The following ATP13A4 variants were observed in gnomAD, a reference collection of about 807,000 sequenced individuals.
The protein encoded by ATP13A4 is probable cation-transporting ATPase 13A4.
Under a neutral mutation model 142.5 loss-of-function variants are expected in ATP13A4, and 114 were observed. The ratio of observed to expected loss-of-function variants is 0.80; its 90% CI spans 0.69 to 0.93. The LOEUF is 0.93. ATP13A4 is among the 40% of genes least tolerant of loss of function. The pLI is 0.00. For missense variants in ATP13A4, 1,392 were observed against 1,454.0 expected (o/e 0.96, Z 0.69); for synonymous variants, 488 against 514.8 (o/e 0.95, Z 0.70).
At chr3:193,505,697 G>A (rs973451247) in intron 2 of ATP13A4, among the ~76,000 whole-genome samples, 6 of 152,106 alleles carry the variant, frequency 3.9e-5, no homozygotes, top group Non-Finnish European at 7.4e-5. Context: ...CTTCTCTCTT[G>A]TATACTACCC....
intron 28 of ATP13A4, among the ~76,000 whole-genome samples, chr3:193,407,987 GA>G: frequency 6.6e-6 from 1 of 152,376 alleles, no homozygotes; most frequent in South Asian, 2.1e-4. Flanking sequence ...AAATGGAGCT[GA>G]AATCAAGCTT....
chr3:193,499,660 C>T (rs905258418), intron 3 of ATP13A4, among the ~76,000 whole-genome samples: 1 of 152,150 alleles, frequency 6.6e-6, no homozygotes, highest in Admixed American at 6.5e-5. Flanking sequence ...CCATTGACTT[C>T]AGGATTCAAG....
In ATP13A4 at chr3:193,501,950, G is replaced by A. The variant is rs1720567727; in HGVS notation, c.381+543C>T. 1.3e-5 allele frequency among the ~76,000 whole-genome samples: 2 copies of A among 152,012 alleles called. 1 individual carries two copies. The highest frequency in any genetic ancestry group is 4.8e-5 in the African/African-American group (2 of 41,390). On this transcript the variant is annotated intron_variant, in intron 3 of 29. Coordinates refer to ENST00000342695, the MANE Select transcript of ATP13A4 (RefSeq NM_032279.4). ...CCCTGTTACATAGATTGTAATATGGGGAACGATACTATTAGAGCTAATATG... is the reference window on the plus strand; with the variant it reads ...CCCTGTTACATAGATTGTAATATGGAGAACGATACTATTAGAGCTAATATG...
chr3:193,533,662 A>C (rs549230189), intron 1 of ATP13A4, among the ~76,000 whole-genome samples: 8 of 152,294 alleles, frequency 5.3e-5, no homozygotes, highest in Non-Finnish European at 1.0e-4. Context: ...ACTTTAAGAC[A>C]ATAACCACTC....
chr3:193,411,067 A>G lies in ATP13A4; in HGVS notation c.3212T>C (p.Ile1071Thr). The G allele has an allele frequency of 6.2e-7, 1 of 1,601,062 alleles. No individual in the cohort carries two copies. Among genetic ancestry groups the G allele is most frequent in the Non-Finnish European group, 8.6e-7 (1 of 1,168,310 alleles). ...CTGTATTATCAGCACAAGGACAAAT[A>G]TATCTGAGGAAATAAGAACACAAGG... The part of the protein sequence containing the change: ...PFRQPTYTNY[I>T]FVLVLIIQLG... Residue 1071 changes from isoleucine to threonine, a missense_variant, in exon 28 of 30, where the codon ATA becomes ACA. Coordinates refer to ENST00000342695, the MANE Select transcript of ATP13A4 (RefSeq NM_032279.4).
rs541566332 is a variant in ATP13A4 at position 193,514,423 on chromosome 3, T to C, written c.234+275A>G. On this transcript the variant is annotated intron_variant, in intron 2 of 29. Transcript: ENST00000342695. The stretch of plus-strand genomic sequence containing the variant: ...AAAAGGACATGATTTCGTTCTTTAT[T>C]ATGGCTGCAGAGTATTCCGTGGTGT... Among the ~76,000 whole-genome samples the C allele has an allele frequency of 2.6e-5, 4 of 152,350 alleles. No homozygotes were observed. In the South Asian group the frequency reaches 8.3e-4, roughly 32 times the overall value.
chr3:193,457,673 G>T (rs1286143621), intron 14 of ATP13A4, among the ~76,000 whole-genome samples: 1 of 152,186 alleles, frequency 6.6e-6, no homozygotes, highest in African/African-American at 2.4e-5. Flanking sequence ...AGACACTTTT[G>T]AATTATTCAT....
intron 1 of ATP13A4, among the ~76,000 whole-genome samples, chr3:193,537,854 G>C (rs184386046): frequency 8.7e-4 from 133 of 152,224 alleles, no homozygotes; most frequent in Middle Eastern, 6.8e-3. Context: ...AGTGTTAAAG[G>C]TTACGTCCTA....
chr3:193,447,032 A>G (rs1489941), intron 18 of ATP13A4, among the ~76,000 whole-genome samples: 147,866 of 152,298 alleles, frequency 0.97, 71,800 homozygotes, highest in East Asian at 1. Context: ...CCATCCAAGG[A>G]CAATACTTCA....
intron 1 of ATP13A4, among the ~76,000 whole-genome samples, chr3:193,529,376 T>C (rs1031727770): frequency 6.6e-6 from 1 of 152,048 alleles, no homozygotes; most frequent in African/African-American, 2.4e-5. Context: ...ATATTTTATG[T>C]ACTTTTATAT....
chr3:193,510,811 G>A lies in ATP13A4; in HGVS notation c.234+3887C>T, dbSNP rs115384260. On this transcript the variant is annotated intron_variant, in intron 2 of 29. Transcript: ENST00000342695. ...ACCAGCGTGAGATTGATGATAAATA[G>A]CAAGTACTGATTTTTTAATAACATG... Among the ~76,000 whole-genome samples the A allele has an allele frequency of 2.9e-3, 434 of 152,016 alleles. 2 individuals are homozygous for A. Among genetic ancestry groups the A allele is most frequent in the South Asian group, 8.3e-3 (40 of 4,806 alleles).
chr3:193,407,499 A>AAT, intron 28 of ATP13A4, 106 bp from the exon 29 acceptor site: 1 of 806,802 alleles, frequency 1.2e-6, no homozygotes, highest in South Asian at 1.4e-5. Flanking sequence ...TCTCATATGT[A>AAT]ATATATATGT....
rs141933656 is a variant in ATP13A4, at chr3:193,490,842, G to A, written c.603+487C>T. ...AGAGGGCTACGGTTTGATAATAATC[G>A]CTGTAAAGTGAAACAATGATGAGCT... On this transcript the variant is annotated intron_variant, in intron 6 of 29. Coordinates refer to ENST00000342695, the MANE Select transcript of ATP13A4 (RefSeq NM_032279.4). Among the ~76,000 whole-genome samples, 8 of 152,244 alleles carry A rather than the reference G, an allele frequency of 5.3e-5. No homozygotes were observed. In the East Asian group the frequency reaches 5.8e-4, roughly 11 times the overall value.
intron 2 of ATP13A4, among the ~76,000 whole-genome samples, chr3:193,576,362 C>T (rs1202053167): frequency 7.1e-6 from 1 of 140,354 alleles, no homozygotes; most frequent in Non-Finnish European, 1.5e-5. Context: ...AGCTCCGCTT[C>T]CCGGGTTCAC....
chr3:193,526,698 T>C (rs1722024593), intron 1 of ATP13A4, among the ~76,000 whole-genome samples: 1 of 152,142 alleles, frequency 6.6e-6, no homozygotes. Flanking sequence ...TGTTATGGGA[T>C]ACATAAATAG....
At chr3:193,463,969 A>C (rs1158690406) in intron 12 of ATP13A4, among the ~76,000 whole-genome samples, 1 of 152,210 alleles carries the variant, frequency 6.6e-6, no homozygotes, top group Non-Finnish European at 1.5e-5. Context: ...AAAATAAAAG[A>C]AGTTCTCAAA....
chr3:193,470,200 C>T (rs1718538840), intron 9 of ATP13A4, among the ~76,000 whole-genome samples: 6 of 152,166 alleles, frequency 3.9e-5, no homozygotes, highest in South Asian at 2.1e-4. Flanking sequence ...CATTATGCCA[C>T]GTGAGTGAGA....
chr3:193,588,635 A>G lies in ATP13A4; in HGVS notation n.91+4386T>C, dbSNP rs546364479. ...TGACCCTCAGTTTCCCTCTTTACAA[A>G]TTCATCCTTTTCTGTTTCTCCAGGA... On this transcript the variant is annotated intron_variant and non_coding_transcript_variant, in intron 1 of 3. Transcript: ENST00000489140. Among the ~76,000 whole-genome samples the G allele has an allele frequency of 2.2e-4, 33 of 152,100 alleles. No homozygotes were observed. The East Asian group carries it at 6.4e-3, about 29-fold the overall frequency.
upstream of ATP13A4, chr3:193,555,127 A>C (rs982880191): frequency 1.2e-5 from 5 of 407,322 alleles, no homozygotes; most frequent in Non-Finnish European, 2.3e-5. Context: ...TTGCCTGCCC[A>C]GTGCCTGCCA....
Sources: gnomAD v4.1 joint callset for allele counts (sites outside exome capture counted in the v4.1 genomes callset) on GRCh38, gnomAD v4.1.1 for gene constraint, MANE v1.5 for transcripts, NCBI Gene and HGNC (gene_info 2026-07-23, HGNC 2026-07-21) for gene names.